The following EML4 variants were observed in gnomAD, a reference collection of about 807,000 sequenced individuals.
EML4 encodes the protein EMAP like 4.
In EML4, 72 loss-of-function variants were observed where a neutral mutation model predicts 129.0. The ratio of observed to expected loss-of-function variants is 0.56; its 90% CI spans 0.46 to 0.68. EML4 has a LOEUF of 0.68. EML4 is among the 30% of genes least tolerant of loss of function. EML4 has a pLI of 0.00. For synonymous variants in EML4, 532 were observed against 405.0 expected (o/e 1.31, Z -3.77); for missense variants, 1,363 against 1,190.6 (o/e 1.14, Z -2.13).
intron 6 of EML4, among the ~76,000 whole-genome samples, chr2:42,268,632 G>T (rs1666200352): frequency 6.6e-6 from 1 of 152,036 alleles, no homozygotes; most frequent in Non-Finnish European, 1.5e-5. Context: ...GAGGCAGGGT[G>T]TCACTGTGTT....
rs140279376 is a variant in EML4 at position 42,295,392 on chromosome 2, G to A, written c.1365G>A (p.Lys455=). 167 of 1,610,446 alleles carry A rather than the reference G, an allele frequency of 1.0e-4. No homozygotes were observed. In the African/African-American group the frequency reaches 2.0e-3, roughly 19 times the overall value. ...RKQGIFGKYE[K]PKFVQCLAFL... is the part of the protein sequence containing the mutation. ...TTGTTTCCTTGTAGAAATATGAAAA[G>A]CCAAAATTTGTGCAGTGTTTAGCAT... The change falls in exon 13 of 23, where the codon AAG becomes AAA. Residue 455 remains lysine, a synonymous_variant. Transcript: ENST00000318522.
chr2:42,210,510 T>C (rs1672828201), intron 1 of EML4, among the ~76,000 whole-genome samples: 1 of 152,218 alleles, frequency 6.6e-6, no homozygotes, highest in East Asian at 1.9e-4. Flanking sequence ...AACCCCTTTC[T>C]GTACTGTACT....
At chr2:42,286,667 A>T (rs1488248093) in intron 10 of EML4, among the ~76,000 whole-genome samples, 1 of 152,250 alleles carries the variant, frequency 6.6e-6, no homozygotes, top group Admixed American at 6.5e-5. Context: ...AGAGGAATAT[A>T]TACAAAGCAT....
chr2:42,221,226 A>G (rs868701642), intron 1 of EML4, among the ~76,000 whole-genome samples: 20 of 152,086 alleles, frequency 1.3e-4, no homozygotes, highest in African/African-American at 4.3e-4. Flanking sequence ...CCTGGCTTCA[A>G]AGGACAAGCT....
chr2:42,293,183 A>T (rs561576406), intron 11 of EML4, among the ~76,000 whole-genome samples: 2 of 151,726 alleles, frequency 1.3e-5, no homozygotes, highest in South Asian at 4.2e-4. Flanking sequence ...ATCACAGCTC[A>T]CTGCAACCTC....
intron 1 of EML4, among the ~76,000 whole-genome samples, chr2:42,179,294 A>G (rs1379296945): frequency 2.0e-5 from 3 of 151,450 alleles, no homozygotes; most frequent in Non-Finnish European, 4.4e-5. Flanking sequence ...TTATAAAGAC[A>G]AAGTCTGTGG....
intron 3 of EML4, among the ~76,000 whole-genome samples, chr2:42,257,372 A>G (rs1676220332): frequency 6.6e-6 from 1 of 152,358 alleles, no homozygotes; most frequent in South Asian, 2.1e-4. Context: ...GAGTGAGGAA[A>G]AATCTTAAGT....
intron 1 of EML4, among the ~76,000 whole-genome samples, chr2:42,229,781 G>C (rs1674208167): frequency 6.6e-6 from 1 of 152,004 alleles, no homozygotes; most frequent in Admixed American, 6.6e-5. Flanking sequence ...GAGAACATCT[G>C]ACCTCTTGGT....
chr2:42,296,338 CA>C (rs1298393124), intron 13 of EML4, among the ~76,000 whole-genome samples: 2 of 150,204 alleles, frequency 1.3e-5, no homozygotes, highest in Non-Finnish European at 1.5e-5. Flanking sequence ...AATAATTCAC[CA>C]AAAAAAAAGT....
chr2:42,249,151 GA>G (rs1275998575), intron 2 of EML4, among the ~76,000 whole-genome samples: 1 of 151,978 alleles, frequency 6.6e-6, no homozygotes, highest in African/African-American at 2.4e-5. Context: ...AGAAAATTTG[GA>G]ATAAACATTT....
intron 1 of EML4, among the ~76,000 whole-genome samples, chr2:42,182,633 A>G (rs1170352478): frequency 6.6e-6 from 1 of 152,202 alleles, no homozygotes; most frequent in Admixed American, 6.5e-5. Flanking sequence ...GTGGAAAACT[A>G]TAGCTTTTCC....
chr2:42,266,607 G>A (rs1666078181), intron 6 of EML4, among the ~76,000 whole-genome samples: 1 of 151,476 alleles, frequency 6.6e-6, no homozygotes, highest in Non-Finnish European at 1.5e-5. Context: ...GCCTCCCAAA[G>A]TGTTGGGATT....
chr2:42,295,522 G>A lies in EML4; in HGVS notation c.1489+6G>A, dbSNP rs1484575968. ...ACCTGGGAAAGGACCTAAAGGTACA[G>A]TATTCTTATATTAAACTCATTTCTG... is the stretch of plus-strand genomic sequence containing the variant. On this transcript the variant is annotated splice_donor_region_variant and intron_variant, in intron 13 of 22. Transcript: ENST00000318522. 2.5e-6 allele frequency: 4 copies of A among 1,607,702 alleles called. No individual in the cohort carries two copies. Among genetic ancestry groups the A allele is most frequent in the Admixed American group, 3.4e-5 (2 of 58,246 alleles).
intron 2 of EML4, among the ~76,000 whole-genome samples, chr2:42,256,266 C>A (rs1006914258): frequency 6.6e-6 from 1 of 152,118 alleles, no homozygotes. Context: ...ACTAGCCCAA[C>A]TGTGTTTTAG....
In EML4 at chr2:42,213,926, A is replaced by G. The variant is rs1038302701; in HGVS notation, c.26-31579A>G. On this transcript the variant is annotated intron_variant, in intron 1 of 22. Coordinates refer to ENST00000318522, the MANE Select transcript of EML4 (RefSeq NM_019063.5). ...CAGTTATAATTTGTAAGCTGAATGT[A>G]TAGGATTTTAAAATTAATTCCATCA... Among the ~76,000 whole-genome samples, 7 of 152,358 alleles carry G rather than the reference A, an allele frequency of 4.6e-5. No individual in the cohort carries two copies. The East Asian group carries it at 1.2e-3, about 25-fold the overall frequency.
intron 1 of EML4, among the ~76,000 whole-genome samples, chr2:42,233,277 G>A (rs1302096535): frequency 5.3e-5 from 8 of 151,644 alleles, no homozygotes; most frequent in Non-Finnish European, 1.2e-4. Flanking sequence ...GCAACAAAAA[G>A]AGATAAATTG....
intron 19 of EML4, among the ~76,000 whole-genome samples, chr2:42,320,775 T>C (rs1201856089): frequency 1.3e-5 from 2 of 152,168 alleles, no homozygotes; most frequent in African/African-American, 4.8e-5. Context: ...ATAATGGCTT[T>C]CTGCTTGACT....
chr2:42,183,427 A>T (rs1317767725), intron 1 of EML4, among the ~76,000 whole-genome samples: 1 of 152,198 alleles, frequency 6.6e-6, no homozygotes, highest in Non-Finnish European at 1.5e-5. Context: ...GATGGTGGTG[A>T]TACAACCTGT....
At chr2:42,212,684 C>T (rs1324499087) in intron 1 of EML4, among the ~76,000 whole-genome samples, 3 of 152,200 alleles carry the variant, frequency 2.0e-5, no homozygotes, top group African/African-American at 7.2e-5. Context: ...ACATTATTCA[C>T]TGCTACAGTA....
Sources: gnomAD v4.1 joint callset for allele counts (sites outside exome capture counted in the v4.1 genomes callset) on GRCh38, gnomAD v4.1.1 for gene constraint, MANE v1.5 for transcripts, NCBI Gene and HGNC (gene_info 2026-07-23, HGNC 2026-07-21) for gene names.